Variants in TEX11 observed in about 807,000 individuals in gnomAD.
TEX11 encodes testis-expressed protein 11.
A neutral mutation model predicts 84.4 loss-of-function variants in TEX11; 7 were observed. That is an observed-to-expected ratio of 0.08 (90% CI 0.05 to 0.16). The LOEUF (loss-of-function observed/expected upper bound fraction) is 0.16. TEX11 is among the 10% of genes least tolerant of loss of function. The pLI, the probability that TEX11 is intolerant of heterozygous loss-of-function variation, is 1.00. For synonymous variants in TEX11, 264 were observed against 222.8 expected (o/e 1.18, Z -1.64); for missense variants, 551 against 660.5 (o/e 0.83, Z 1.82).
At chrX:70,622,806 C>G (rs2089410082) in intron 20 of TEX11, among the ~76,000 whole-genome samples, 1 of 111,780 alleles carries the variant, frequency 8.9e-6, no homozygotes, top group South Asian at 3.7e-4. Flanking sequence ...CCACTTCTTC[C>G]TCTCCCATAT....
downstream of TEX11, among the ~76,000 whole-genome samples, chrX:70,527,210 G>A (rs1034529601): frequency 5.4e-5 from 6 of 112,099 alleles, no homozygotes; most frequent in South Asian, 1.5e-3. Flanking sequence ...TATTTACTTA[G>A]TCTCAAACTA....
chrX:70,656,053 C>A, intron 16 of TEX11, among the ~76,000 whole-genome samples: 1 of 108,070 alleles, frequency 9.3e-6, no homozygotes, highest in East Asian at 2.9e-4. Context: ...TGTAGACAAC[C>A]CAGAAGAATT....
At chrX:70,819,738 C>CA (rs1274561104) in intron 8 of TEX11, among the ~76,000 whole-genome samples, 1 of 111,749 alleles carries the variant, frequency 8.9e-6, no homozygotes, top group African/African-American at 3.2e-5. Context: ...TAACATGATA[C>CA]AAAATCAACA....
chrX:70,526,097 T>G (rs2087820111), downstream of TEX11, among the ~76,000 whole-genome samples: 1 of 111,549 alleles, frequency 9.0e-6, no homozygotes, highest in Non-Finnish European at 1.9e-5. Context: ...TTGGTCAGGT[T>G]GGTGAGGTTA....
At chrX:70,679,094 A>G (rs2090104710) in intron 14 of TEX11, among the ~76,000 whole-genome samples, 1 of 112,510 alleles carries the variant, frequency 8.9e-6, no homozygotes, top group South Asian at 3.7e-4. Context: ...GCGCGCCGCC[A>G]CGCCTGACTG....
chrX:70,735,561 G>T (rs1365000149), intron 11 of TEX11, among the ~76,000 whole-genome samples: 1 of 111,472 alleles, frequency 9.0e-6, no homozygotes, highest in Non-Finnish European at 1.9e-5. Context: ...AACAAAAGAA[G>T]GACAAAACTT....
chrX:70,712,243 T>C (rs2147701681), intron 13 of TEX11, among the ~76,000 whole-genome samples: 1 of 111,817 alleles, frequency 8.9e-6, no homozygotes, highest in East Asian at 2.8e-4. Context: ...AGTTTTGTTC[T>C]TTTGGCTGAG....
At chrX:70,748,646 C>T (rs2090786849) in intron 9 of TEX11, among the ~76,000 whole-genome samples, 1 of 104,636 alleles carries the variant, frequency 9.6e-6, no homozygotes, top group Non-Finnish European at 2.0e-5. Flanking sequence ...TATGGCTAGC[C>T]AGTTTTCCCA....
chrX:70,764,868 A>C (rs2090930059), intron 9 of TEX11, among the ~76,000 whole-genome samples: 1 of 111,327 alleles, frequency 9.0e-6, no homozygotes, highest in Non-Finnish European at 1.9e-5. Context: ...GGACCCAATG[A>C]CTTTACTGCT....
At chrX:70,861,958 C>T (rs1486513688) in intron 4 of TEX11, among the ~76,000 whole-genome samples, 1 of 111,035 alleles carries the variant, frequency 9.0e-6, no homozygotes, top group Non-Finnish European at 1.9e-5. Context: ...TTCGATTTCT[C>T]TCCTAAAATG....
intron 8 of TEX11, among the ~76,000 whole-genome samples, chrX:70,818,250 C>T (rs1353082854): frequency 4.6e-5 from 5 of 109,306 alleles, no homozygotes; most frequent in Non-Finnish European, 7.6e-5. Context: ...TGCAGTGAGC[C>T]GCTTTTGCAC....
At chrX:70,795,528 G>C (rs185412344) in intron 9 of TEX11, among the ~76,000 whole-genome samples, 1 of 111,822 alleles carries the variant, frequency 8.9e-6, no homozygotes, top group Non-Finnish European at 1.9e-5. Flanking sequence ...CAGGCCTTGG[G>C]TGAGACCCAG....
At chrX:70,698,027 G>A (rs1346084690) in intron 13 of TEX11, among the ~76,000 whole-genome samples, 1 of 110,888 alleles carries the variant, frequency 9.0e-6, no homozygotes, top group East Asian at 2.8e-4. Context: ...ATTATTATAA[G>A]TAAATAATAT....
intron 9 of TEX11, among the ~76,000 whole-genome samples, chrX:70,766,163 G>A (rs2090938831): frequency 8.9e-6 from 1 of 111,976 alleles, no homozygotes; most frequent in South Asian, 3.7e-4. Flanking sequence ...TGTAATCCCA[G>A]CACTTTGGGA....
intron 16 of TEX11, among the ~76,000 whole-genome samples, chrX:70,662,966 C>T (rs2089943881): frequency 9.0e-6 from 1 of 111,263 alleles, no homozygotes; most frequent in Non-Finnish European, 1.9e-5. Flanking sequence ...AATTATTGAA[C>T]TATACCTAAA....
At chrX:70,607,285 T>A (rs1465147356) in intron 22 of TEX11, among the ~76,000 whole-genome samples, 1 of 111,528 alleles carries the variant, frequency 9.0e-6, no homozygotes, top group Non-Finnish European at 1.9e-5. Context: ...ATTGGGGACA[T>A]GCAATAAGAA....
chrX:70,840,799 T>G (rs961502380), intron 7 of TEX11, among the ~76,000 whole-genome samples: 2 of 111,011 alleles, frequency 1.8e-5, no homozygotes, highest in African/African-American at 3.3e-5. Flanking sequence ...ACCAAGCAAA[T>G]GGAAAACAAA....
chrX:70,788,276 A>C (rs1487395370), intron 9 of TEX11, among the ~76,000 whole-genome samples: 1 of 112,090 alleles, frequency 8.9e-6, no homozygotes, highest in Non-Finnish European at 1.9e-5. Context: ...TTACAAAGCT[A>C]TAGTAATTAA....
intron 25 of TEX11, among the ~76,000 whole-genome samples, chrX:70,589,497 G>A (rs2088899134): frequency 9.0e-6 from 1 of 110,648 alleles, no homozygotes; most frequent in Non-Finnish European, 1.9e-5. Flanking sequence ...TTTTTTTGGT[G>A]GACAGTTAGC....
Sources: gnomAD v4.1 joint callset for allele counts (sites outside exome capture counted in the v4.1 genomes callset) on GRCh38, gnomAD v4.1.1 for gene constraint, MANE v1.5 for transcripts, NCBI Gene and HGNC (gene_info 2026-07-23, HGNC 2026-07-21) for gene names.